The following TANGO6 variants were observed in gnomAD, a reference collection of about 807,000 sequenced individuals.
TANGO6 encodes transport and Golgi organization protein 6 homolog.
TANGO6 carries 90 observed loss-of-function variants against 114.2 expected under a neutral mutation model. The observed-to-expected ratio is 0.79, with a 90% CI of 0.66 to 0.94. TANGO6 has a LOEUF of 0.94. Among genes scored for constraint, TANGO6 ranks in the 40% least tolerant of loss-of-function variants. TANGO6 has a pLI of 0.00. For synonymous variants in TANGO6, 477 were observed against 509.8 expected, an observed-to-expected ratio of 0.94 and a Z score of 0.87; for missense variants, 1,274 against 1,315.3, an observed-to-expected ratio of 0.97 and a Z score of 0.49.
chr16:68,973,768 T>G (rs1317057385), intron 14 of TANGO6: 1 of 479,944 alleles, frequency 2.1e-6, no homozygotes, highest in Non-Finnish European at 3.8e-6. Context: ...AGGCATTGCC[T>G]GGATCATAGA....
intron 14 of TANGO6, among the ~76,000 whole-genome samples, chr16:68,962,899 A>G (rs1354360797): frequency 2.7e-5 from 4 of 150,920 alleles, no homozygotes; most frequent in Non-Finnish European, 5.9e-5. Context: ...TGTGGCTAAC[A>G]TGGTGAAACC....
chr16:69,015,845 G>A (rs895716669), intron 15 of TANGO6, among the ~76,000 whole-genome samples: 12 of 152,090 alleles, frequency 7.9e-5, no homozygotes, highest in Non-Finnish European at 1.5e-4. Flanking sequence ...TAAATGGAAC[G>A]TTAAGTTGCA....
intron 16 of TANGO6, chr16:69,025,936 TAA>T: frequency 9.3e-6 from 2 of 215,464 alleles, no homozygotes. Flanking sequence ...TATTTCTAGT[TAA>T]AAAAAAATGT....
chr16:68,960,008 C>T (rs1427180223), intron 14 of TANGO6, among the ~76,000 whole-genome samples: 1 of 152,184 alleles, frequency 6.6e-6, no homozygotes, highest in Non-Finnish European at 1.5e-5. Flanking sequence ...CTAAATTTGG[C>T]GGACAGAGAA....
intron 16 of TANGO6, among the ~76,000 whole-genome samples, chr16:69,037,759 T>C (rs1238356951): frequency 6.6e-6 from 1 of 152,164 alleles, no homozygotes; most frequent in Non-Finnish European, 1.5e-5. Context: ...CCCCAAAGGG[T>C]TGGACTCCTC....
intron 7 of TANGO6, among the ~76,000 whole-genome samples, chr16:68,882,793 C>T (rs1051334565): frequency 4.6e-5 from 7 of 151,600 alleles, no homozygotes; most frequent in African/African-American, 1.7e-4. Flanking sequence ...CCAAGGCGGG[C>T]GGATCATGAG....
chr16:68,860,227 G>T lies in TANGO6; in HGVS notation c.438G>T (p.Gln146His). The T allele has an allele frequency of 1.9e-6, 3 of 1,614,020 alleles. No homozygotes were observed. Among genetic ancestry groups the T allele is most frequent in the Non-Finnish European group, 2.5e-6 (3 of 1,179,900 alleles). Residue 146 changes from glutamine to histidine, a missense_variant, in exon 2 of 18, where the codon CAG (glutamine) becomes CAT (histidine). By Grantham distance (24) the Gln-to-His change is conservative. Transcript: ENST00000261778. ...GTATCTCACAACAGAAGACTGTCCA[G>T]TTCGTTTTGCAGTTTGTAGTTACCT... is the stretch of plus-strand genomic sequence containing the variant. Reference protein sequence around the residue: ...ALSISQQKTVQFVLQFVVTLG... With the variant: ...ALSISQQKTVHFVLQFVVTLG...
chr16:68,940,020 A>G (rs1963335722), intron 14 of TANGO6, among the ~76,000 whole-genome samples: 4 of 151,878 alleles, frequency 2.6e-5, no homozygotes. Context: ...TTAAAAATAT[A>G]ATTAATTTCC....
chr16:68,968,836 A>G (rs1458402183), intron 14 of TANGO6, among the ~76,000 whole-genome samples: 1 of 150,962 alleles, frequency 6.6e-6, no homozygotes, highest in Non-Finnish European at 1.5e-5. Context: ...ACGCCCAGCT[A>G]ATTTTTTGTA....
intron 14 of TANGO6, among the ~76,000 whole-genome samples, chr16:68,939,936 A>G (rs1340488989): frequency 6.6e-6 from 1 of 152,114 alleles, no homozygotes; most frequent in Non-Finnish European, 1.5e-5. Context: ...CCTGTGATTC[A>G]TGAACTTGGG....
intron 17 of TANGO6, among the ~76,000 whole-genome samples, chr16:69,050,831 C>T (rs939634985): frequency 2.0e-5 from 3 of 151,736 alleles, no homozygotes; most frequent in South Asian, 4.2e-4. Context: ...CACTATGTTG[C>T]CCAGGCTGGT....
At chr16:68,932,739 G>A (rs972746027) in intron 14 of TANGO6, among the ~76,000 whole-genome samples, 5 of 152,046 alleles carry the variant, frequency 3.3e-5, no homozygotes, top group African/African-American at 9.6e-5. Context: ...GCAGTGAGCC[G>A]AGATTGCACC....
chr16:68,946,293 G>T, intron 14 of TANGO6, among the ~76,000 whole-genome samples: 1 of 151,572 alleles, frequency 6.6e-6, no homozygotes, highest in Non-Finnish European at 1.5e-5. Flanking sequence ...CCGGGTTCAC[G>T]CCATTCTCCT....
At position 68,902,467 on chromosome 16, in the gene TANGO6, C is replaced by A; in HGVS notation, c.1630C>A (p.Gln544Lys). ...HSLCQFRVAT[Q>K]GGIMITIKEA... ...TCTGTGTCAGTTTAGAGTTGCCACTCAAGGTGGCATTATGATTACCATCAA... is the reference window on the plus strand; with the variant it reads ...TCTGTGTCAGTTTAGAGTTGCCACTAAAGGTGGCATTATGATTACCATCAA... Residue 544 changes from glutamine to lysine, a missense_variant, in exon 9 of 18, where the codon CAA becomes AAA. Gln to Lys is a moderately conservative substitution (Grantham distance 53). Transcript: ENST00000261778. 1 of 1,613,000 alleles carries A rather than the reference C, an allele frequency of 6.2e-7. No individual in the cohort carries two copies. The highest frequency in any genetic ancestry group is 8.5e-7 in the Non-Finnish European group (1 of 1,179,466).
At chr16:69,074,697 C>G (rs1759656617) in intron 17 of TANGO6, among the ~76,000 whole-genome samples, 1 of 151,726 alleles carries the variant, frequency 6.6e-6, no homozygotes, top group South Asian at 2.1e-4. Flanking sequence ...CCATAAACAT[C>G]TAGAGGTTAG....
chr16:68,994,745 A>T (rs557057417), intron 15 of TANGO6, among the ~76,000 whole-genome samples: 5 of 149,118 alleles, frequency 3.4e-5, no homozygotes, highest in East Asian at 2.0e-4. Flanking sequence ...CAGCTAATTT[A>T]AAAAAAAAAA....
At chr16:68,914,994 C>CAA (rs1373458760) in intron 11 of TANGO6, among the ~76,000 whole-genome samples, 2 of 140,262 alleles carry the variant, frequency 1.4e-5, no homozygotes, top group African/African-American at 5.4e-5. Context: ...CACACACACA[C>CAA]ACACACATAT....
intron 15 of TANGO6, among the ~76,000 whole-genome samples, chr16:69,009,400 C>T (rs1172993272): frequency 6.6e-6 from 1 of 151,896 alleles, no homozygotes; most frequent in Non-Finnish European, 1.5e-5. Context: ...ATTTCTTGAC[C>T]CTCAGTTTTA....
chr16:69,026,862 CT>C (rs1959510080), intron 16 of TANGO6, among the ~76,000 whole-genome samples: 1 of 151,926 alleles, frequency 6.6e-6, no homozygotes, highest in South Asian at 2.1e-4. Context: ...GGAATTTTCC[CT>C]TCTTTTTTTT....
Sources: gnomAD v4.1 joint callset for allele counts (sites outside exome capture counted in the v4.1 genomes callset) on GRCh38, gnomAD v4.1.1 for gene constraint, MANE v1.5 for transcripts, NCBI Gene and HGNC (gene_info 2026-07-23, HGNC 2026-07-21) for gene names.